Variants in TRIML2 observed in about 807,000 individuals in gnomAD.
TRIML2 encodes probable E3 ubiquitin-protein ligase TRIML2.
Under a neutral mutation model 31.2 loss-of-function variants are expected in TRIML2, and 28 were observed. The observed-to-expected ratio is 0.90, with a 90% CI of 0.66 to 1.23. The LOEUF is 1.23. TRIML2 is among the 50% of genes most tolerant of loss of function. The pLI is 0.00. For missense variants in TRIML2, 536 were observed against 528.3 expected (o/e 1.01, Z -0.14); for synonymous variants, 187 against 197.5 (o/e 0.95, Z 0.45).
chr4:188,092,234 G>A (rs1334855997), intron 7 of TRIML2, among the ~76,000 whole-genome samples: 2 of 151,954 alleles, frequency 1.3e-5, no homozygotes, highest in African/African-American at 2.4e-5. Flanking sequence ...AACGTGGCGC[G>A]GTGGCTCACG....
chr4:188,095,563 C>T (rs73877511), intron 7 of TRIML2, among the ~76,000 whole-genome samples: 2,222 of 152,290 alleles, frequency 0.015, 16 homozygotes, highest in Middle Eastern at 0.041. Context: ...CATACCACTA[C>T]CCATCTATCG....
At chr4:188,099,621 A>G (rs975723159) in intron 4 of TRIML2, among the ~76,000 whole-genome samples, 3 of 151,432 alleles carry the variant, frequency 2.0e-5, no homozygotes, top group African/African-American at 7.3e-5. Flanking sequence ...TCTGCCTGCT[A>G]CCCCAGGAAC....
chr4:188,102,221 T>C (rs996418022), intron 3 of TRIML2, among the ~76,000 whole-genome samples: 4 of 151,218 alleles, frequency 2.6e-5, no homozygotes, highest in Non-Finnish European at 5.9e-5. Flanking sequence ...ACCAGGACAT[T>C]GGAAAAGGGC....
intron 4 of TRIML2, 136 bp from the exon 5 acceptor site, chr4:188,099,311 A>G: frequency 1.7e-6 from 2 of 1,171,282 alleles, no homozygotes; most frequent in Non-Finnish European, 1.2e-6. Flanking sequence ...TCACGCCTGT[A>G]ATCCCAGCAC....
chr4:188,095,877 T>G (rs2111161108), intron 7 of TRIML2, among the ~76,000 whole-genome samples: 1 of 152,308 alleles, frequency 6.6e-6, no homozygotes. Context: ...AACAAACTAC[T>G]GATACACGAA....
intron 3 of TRIML2, among the ~76,000 whole-genome samples, 164 bp from the exon 4 acceptor site, chr4:188,101,414 G>T (rs1023340954): frequency 6.6e-6 from 1 of 151,838 alleles, no homozygotes. Context: ...AGACAAGGAA[G>T]GCTGGGCGCA....
In TRIML2 at chr4:188,105,196, G is replaced by A; in HGVS notation, c.173C>T (p.Ala58Val). The change falls in exon 2 of 8, where the codon GCT (alanine) becomes GTT (valine). Residue 58 changes from alanine (A) to valine (V), a missense_variant. Physicochemically the swap from Ala to Val is moderately conservative, Grantham distance 64 (BLOSUM62 0). Coordinates refer to ENST00000682553, the MANE Select transcript of TRIML2 (RefSeq NM_173553.4). ...KHHMVCGIQE[A>V]AENYRKLFQE... ...GACTCTTACCCTGTAATTCTCAGCA[G>A]CCTCTTGTATCCCACACACCATGTG... The A allele has an allele frequency of 1.3e-6, 2 of 1,599,522 alleles. No individual in the cohort carries two copies. The highest frequency in any genetic ancestry group is 1.7e-6 in the Non-Finnish European group (2 of 1,167,594).
rs1246845959 is a variant in TRIML2, at chr4:188,091,306, A to G, written c.*67T>C. The G allele has an allele frequency of 1.3e-6, 2 of 1,485,714 alleles. No homozygotes were observed. Among genetic ancestry groups the G allele is most frequent in the African/African-American group, 1.4e-5 (1 of 71,162 alleles). 92.0% of individuals were successfully genotyped at this position (1,485,714 alleles called of 1,614,324 possible). ...GCTTTTTATTGGGTTAGTTTACACA[A>G]ATTCTTTCAAAGTCTTGTTCTCCAA... On this transcript the variant is annotated 3_prime_UTR_variant, in exon 8 of 8. Coordinates refer to ENST00000682553, the MANE Select transcript of TRIML2 (RefSeq NM_173553.4).
rs150516535 is a variant in TRIML2 at position 188,091,751 on chromosome 4, C to T, written c.936G>A (p.Lys312=). 6 of 1,614,010 alleles carry T rather than the reference C, an allele frequency of 3.7e-6. No individual in the cohort carries two copies. The African/African-American group carries it at 8.0e-5, about 22-fold the overall frequency. Residue 312 remains lysine, a synonymous_variant, in exon 8 of 8, where the codon AAG becomes AAA. Transcript: ENST00000682553. ...GRHYWEVDVE[K]ATRWQVGIYH... ...ATATGCCCACTTGCCACCTGGTTGC[C>T]TTTTCCACGTCCACCTCCCAGTAGT...
intron 5 of TRIML2, among the ~76,000 whole-genome samples, chr4:188,097,850 G>T (rs960740928): frequency 6.6e-6 from 1 of 152,116 alleles, no homozygotes; most frequent in Non-Finnish European, 1.5e-5. Context: ...GGCCAGGCGC[G>T]GTGGCTCATG....
intron 1 of TRIML2, chr4:188,106,872 TGTCGAC>T (rs1734065819): frequency 3.8e-6 from 1 of 262,720 alleles, no homozygotes; most frequent in African/African-American, 2.3e-5. Context: ...ACCGGCGCTT[TGTCGAC>T]GTTGTGCCCA....
At chr4:188,103,785 C>T (rs1733908851) in intron 3 of TRIML2, among the ~76,000 whole-genome samples, 1 of 152,152 alleles carries the variant, frequency 6.6e-6, no homozygotes, top group Non-Finnish European at 1.5e-5. Context: ...CATTGGTGAG[C>T]CCCTAGCACC....
Position 188,091,350 on chromosome 4 carries a change from T to C in TRIML2, c.*23A>G, listed in dbSNP as rs1733240502. 6.3e-7 allele frequency: 1 copy of C among 1,593,492 alleles called. No individual in the cohort carries two copies. The highest frequency in any genetic ancestry group is 8.6e-7 in the Non-Finnish European group (1 of 1,166,586). On this transcript the variant is annotated 3_prime_UTR_variant, in exon 8 of 8. Coordinates refer to ENST00000682553, the MANE Select transcript of TRIML2 (RefSeq NM_173553.4). ...TCTCCAACTTTCTGGTGTCTCGTGG[T>C]CTTGGATTTTACACACAGAAGATTA...
chr4:188,108,905 T>C (rs1021975331), intron 1 of TRIML2, among the ~76,000 whole-genome samples: 1 of 152,124 alleles, frequency 6.6e-6, no homozygotes, highest in Admixed American at 6.6e-5. Flanking sequence ...TCTCCATCCA[T>C]AAGAAACTAA....
At chr4:188,097,244 G>C in intron 6 of TRIML2, 80 bp downstream of exon 6, 8 of 1,592,430 alleles carry the variant, frequency 5.0e-6, no homozygotes, top group Non-Finnish European at 6.9e-6. Flanking sequence ...CATCCTACCA[G>C]CAAATGCAAT....
At chr4:188,095,167 T>C (rs1733450398) in intron 7 of TRIML2, among the ~76,000 whole-genome samples, 2 of 152,296 alleles carry the variant, frequency 1.3e-5, no homozygotes, top group South Asian at 4.1e-4. Context: ...TAGGCCACAA[T>C]GTAAAACCGA....
chr4:188,102,976 G>A (rs574854687), intron 3 of TRIML2, among the ~76,000 whole-genome samples: 8 of 146,946 alleles, frequency 5.4e-5, no homozygotes, highest in Non-Finnish European at 8.9e-5. Context: ...CCCTTTGCAC[G>A]TCTCTCCACC....
At chr4:188,097,182 C>A in intron 6 of TRIML2, 21 bp from the exon 7 acceptor site, 1 of 1,609,976 alleles carries the variant, frequency 6.2e-7, no homozygotes, top group Non-Finnish European at 8.5e-7. Flanking sequence ...AGGACAGCCT[C>A]AGTCATCTGC....
At chr4:188,093,428 T>C (rs116504092) in intron 7 of TRIML2, among the ~76,000 whole-genome samples, 2,237 of 151,652 alleles carry the variant, frequency 0.015, 39 homozygotes, top group Middle Eastern at 0.038. Context: ...AATCCCAGCA[T>C]TTTAGGAGGC....
Sources: allele counts gnomAD v4.1 joint callset (sites outside exome capture counted in the v4.1 genomes callset), GRCh38; gene constraint gnomAD v4.1.1; transcripts MANE v1.5; gene names NCBI Gene and HGNC (gene_info 2026-07-23, HGNC 2026-07-21).